The following COL18A1 variants were observed in gnomAD, a reference collection of about 807,000 sequenced individuals.
The protein encoded by COL18A1 is collagen alpha-1(XVIII) chain.
Under a neutral mutation model 168.0 loss-of-function variants are expected in COL18A1, and 133 were observed. That is an observed-to-expected ratio of 0.79 (90% confidence interval 0.69 to 0.91). The LOEUF is 0.91. COL18A1 is among the 40% of genes least tolerant of loss of function. COL18A1 has a pLI of 0.00. For missense variants in COL18A1, 2,126 were observed against 1,925.4 expected (o/e 1.10, Z -1.95); for synonymous variants, 949 against 809.0 (o/e 1.17, Z -2.94).
In COL18A1 at chr21:45,512,507, C is replaced by CT. The variant is rs2037671231; in HGVS notation, c.*112dup. 5.1e-6 allele frequency: 5 copies of CT among 980,390 alleles called. No homozygotes were observed. Among genetic ancestry groups the CT allele is most frequent in the Non-Finnish European group, 7.9e-6 (5 of 635,064 alleles). 60.7% of individuals were successfully genotyped at this position (980,390 alleles called of 1,614,324 possible). ...CTGGCCCCAGGACCTGGCTGCCATACTTTCCTGTATAGTTCACGTTTCATG... is the reference window on the plus strand; with the variant it reads ...CTGGCCCCAGGACCTGGCTGCCATACTTTTCCTGTATAGTTCACGTTTCATG... On this transcript the variant is annotated 3_prime_UTR_variant, in exon 42 of 42. Coordinates refer to ENST00000651438, the MANE Select transcript of COL18A1 (RefSeq NM_001379500.1).
At chr21:45,441,374 A>G (rs953218282) in intron 2 of COL18A1, among the ~76,000 whole-genome samples, 1 of 152,188 alleles carries the variant, frequency 6.6e-6, no homozygotes, top group Admixed American at 6.5e-5. Context: ...GAGGGACAGC[A>G]CAGATGCCCA....
chr21:45,429,361 G>A (rs2033893783), intron 2 of COL18A1, among the ~76,000 whole-genome samples: 1 of 152,222 alleles, frequency 6.6e-6, no homozygotes, highest in Non-Finnish European at 1.5e-5. Flanking sequence ...GGGAGCTGTG[G>A]GTGATGGTCG....
intron 9 of COL18A1, among the ~76,000 whole-genome samples, chr21:45,479,164 A>C (rs1013337359): frequency 2.1e-5 from 3 of 140,754 alleles, no homozygotes; most frequent in African/African-American, 8.2e-5. Flanking sequence ...GAGTGTGTGA[A>C]TGTGTGACTG....
chr21:45,469,898 C>G (rs2035351268), intron 3 of COL18A1, among the ~76,000 whole-genome samples: 1 of 152,212 alleles, frequency 6.6e-6, no homozygotes, highest in Non-Finnish European at 1.5e-5. Flanking sequence ...TGACACCAAA[C>G]TGGGCCTCTT....
chr21:45,494,639 G>A (rs973830965), intron 27 of COL18A1, 68 bp downstream of exon 27: 32 of 1,605,452 alleles, frequency 2.0e-5, no homozygotes, highest in East Asian at 6.7e-5. Flanking sequence ...ACGGTCGCCC[G>A]CGGCTGCTGA....
At chr21:45,482,252 G>A (rs1269951287) in intron 14 of COL18A1, 6 of 627,694 alleles carry the variant, frequency 9.6e-6, no homozygotes, top group Non-Finnish European at 1.7e-5. Context: ...CGGGTTTTAA[G>A]AACATGGGCA....
intron 13 of COL18A1, among the ~76,000 whole-genome samples, chr21:45,481,388 C>T (rs374653182): frequency 2.0e-5 from 3 of 152,222 alleles, no homozygotes; most frequent in Admixed American, 1.3e-4. Flanking sequence ...CAGGTGCAGA[C>T]GTGGCTGCTG....
intron 2 of COL18A1, among the ~76,000 whole-genome samples, chr21:45,416,964 A>G (rs2033467615): frequency 6.6e-6 from 1 of 152,088 alleles, no homozygotes; most frequent in Non-Finnish European, 1.5e-5. Context: ...TTGTTCCGTG[A>G]GTTTTCAGAT....
intron 2 of COL18A1, chr21:45,456,917 T>C: frequency 7.2e-7 from 1 of 1,388,638 alleles, no homozygotes; most frequent in Non-Finnish European, 9.4e-7. Context: ...ACCCTTTCCT[T>C]TTTGCCTTGC....
chr21:45,470,224 A>G (rs2035361834), intron 3 of COL18A1, among the ~76,000 whole-genome samples: 1 of 144,926 alleles, frequency 6.9e-6, no homozygotes, highest in African/African-American at 2.7e-5. Context: ...TGGACTGTGA[A>G]GATAGACTTT....
intron 2 of COL18A1, among the ~76,000 whole-genome samples, chr21:45,453,098 CAT>C (rs1308427410): frequency 2.0e-5 from 3 of 151,426 alleles, no homozygotes; most frequent in Non-Finnish European, 4.4e-5. Context: ...TCATGTATGA[CAT>C]GTAAGCATTA....
At chr21:45,503,796 A>T (rs180981431) in intron 32 of COL18A1, 53 of 287,562 alleles carry the variant, frequency 1.8e-4, no homozygotes, top group African/African-American at 9.8e-4. Flanking sequence ...TAATAAATTT[A>T]AAAAATTTAA....
chr21:45,512,175 G>T lies in COL18A1; in HGVS notation c.3810-13G>T. 6.2e-7 allele frequency: 1 copy of T among 1,608,452 alleles called. No homozygotes were observed. Among genetic ancestry groups the T allele is most frequent in the Non-Finnish European group, 8.5e-7 (1 of 1,177,966 alleles). ...AGGTCTGGGTTTGACTGACGGCCCG[G>T]CGCGTCTTACAGGCCCCAGAAGAGC... On this transcript the variant is annotated splice_polypyrimidine_tract_variant and intron_variant, in intron 41 of 41. Coordinates refer to ENST00000651438, the MANE Select transcript of COL18A1 (RefSeq NM_001379500.1).
chr21:45,500,262 T>TGGAGGTGTGAGGGGGTGTGTG (rs2036711860), intron 32 of COL18A1, among the ~76,000 whole-genome samples: 1 of 39,658 alleles, frequency 2.5e-5, no homozygotes, highest in African/African-American at 1.4e-4. Context: ...TGTGCATATG[T>TGGAGGTGTGAGGGGGTGTGTG]GGGTGTTGGG....
intron 2 of COL18A1, chr21:45,467,150 G>A: frequency 1.2e-6 from 1 of 805,308 alleles, no homozygotes. Flanking sequence ...AGGTGTGCTG[G>A]GAAGTCACTC....
chr21:45,506,201 G>A (rs1415696152), intron 37 of COL18A1: 1 of 571,544 alleles, frequency 1.7e-6, no homozygotes, highest in East Asian at 3.2e-5. Flanking sequence ...GGCGTGTGAG[G>A]GGCTCCTGGT....
At chr21:45,504,264 TG>T in intron 33 of COL18A1, 151 bp from the exon 34 acceptor site, 1 of 870,992 alleles carries the variant, frequency 1.1e-6, no homozygotes, top group Non-Finnish European at 1.8e-6. Flanking sequence ...CAGTGGGAGG[TG>T]GGGAGTCGAG....
At position 45,505,038 on chromosome 21, in the gene COL18A1, G is replaced by A. The variant is rs559054405; in HGVS notation, c.2869-96G>A. On this transcript the variant is annotated intron_variant, in intron 34 of 41. Coordinates refer to ENST00000651438, the MANE Select transcript of COL18A1 (RefSeq NM_001379500.1). ...GACCGGTGACTCAGAGGCTGCGCTC[G>A]CCAAGGGGGTCTTGGCAGCTGCAGC... is the stretch of plus-strand genomic sequence containing the variant. 285 of 1,506,764 alleles carry A rather than the reference G, an allele frequency of 1.9e-4. 1 individual carries two copies. The highest frequency in any genetic ancestry group is 8.7e-4 in the South Asian group (73 of 84,262). 93.3% of individuals were successfully genotyped at this position (1,506,764 alleles called of 1,614,324 possible).
chr21:45,479,929 G>A lies in COL18A1; in HGVS notation c.1276G>A (p.Gly426Arg), dbSNP rs772655904. 5.6e-6 allele frequency: 9 copies of A among 1,613,680 alleles called. No individual in the cohort carries two copies. The highest frequency in any genetic ancestry group is 3.3e-5 in the Admixed American group (2 of 59,998). The change falls in exon 10 of 42, where the codon GGG becomes AGG. Residue 426 changes from glycine (G) to arginine (R), a missense_variant. Gly to Arg is a moderately radical substitution (Grantham distance 125). Transcript: ENST00000651438. ...CGACACCGGGCCACAAGGCTTCCCC[G>A]GGACTCCAGGGGACGTAGGTCCCAA... ...PGDTGPQGFP[G>R]TPGDVGPKGD...
Sources: allele counts gnomAD v4.1 joint callset (sites outside exome capture counted in the v4.1 genomes callset), GRCh38; gene constraint gnomAD v4.1.1; transcripts MANE v1.5; gene names NCBI Gene and HGNC (gene_info 2026-07-23, HGNC 2026-07-21).